SKIL: variants seen among roughly 807,000 people sequenced by gnomAD.
SKIL encodes SKI like proto-oncogene, also known as ski-like protein.
A neutral mutation model predicts 69.6 loss-of-function variants in SKIL; 20 were observed. The observed-to-expected ratio is 0.29, with a 90% confidence interval of 0.20 to 0.42. The LOEUF (loss-of-function observed/expected upper bound fraction) is 0.42, where lower values mean the gene tolerates loss of function less well. Among genes scored for constraint, SKIL ranks in the 10% least tolerant of loss-of-function variants. SKIL has a pLI of 1.00. For missense variants in SKIL, 745 were observed against 783.1 expected (o/e 0.95, Z 0.58); for synonymous variants, 310 against 279.9 (o/e 1.11, Z -1.08).
At position 170,360,417 on chromosome 3, in the gene SKIL, C is replaced by T; in HGVS notation, c.86C>T (p.Ala29Val). The T allele has an allele frequency of 6.2e-7, 1 of 1,612,506 alleles. No homozygotes were observed. Among genetic ancestry groups the T allele is most frequent in the South Asian group, 1.1e-5 (1 of 90,936 alleles). The stretch of plus-strand genomic sequence containing the variant: ...ATGGGAGATGATGGCAGCCCCCCAG[C>T]GAAAAAAATGATAACGGACATTCAT... ...NGMGDDGSPP[A>V]KKMITDIHAN... is the part of the protein sequence containing the mutation. The change falls in exon 2 of 7, where the codon GCG becomes GTG. Residue 29 changes from alanine to valine, a missense_variant. Physicochemically the swap from Ala to Val is moderately conservative, Grantham distance 64. Transcript: ENST00000259119.
chr3:170,358,470 A>C (rs1164458608), intron 1 of SKIL: 4 of 152,608 alleles, frequency 2.6e-5, no homozygotes, highest in African/African-American at 4.8e-5. Context: ...GGTTAGAGAT[A>C]GGTGGGTGGC....
chr3:170,367,266 G>A (rs763442857), intron 2 of SKIL, among the ~76,000 whole-genome samples: 5 of 151,532 alleles, frequency 3.3e-5, no homozygotes, highest in African/African-American at 4.9e-5. Flanking sequence ...CCATCACCAC[G>A]CCTGGCTAAT....
chr3:170,368,532 C>A (rs1736651431), intron 2 of SKIL, among the ~76,000 whole-genome samples: 1 of 152,114 alleles, frequency 6.6e-6, no homozygotes, highest in Non-Finnish European at 1.5e-5. Flanking sequence ...TAATATAATT[C>A]ATCAAACAAG....
chr3:170,364,954 T>C (rs540641595), intron 2 of SKIL, among the ~76,000 whole-genome samples: 1 of 152,362 alleles, frequency 6.6e-6, no homozygotes, highest in East Asian at 1.9e-4. Flanking sequence ...TATTTTGATA[T>C]TGCTTGTAAT....
At position 170,378,881 on chromosome 3, in the gene SKIL, A is replaced by AT. The variant is rs529886666; in HGVS notation, c.1099-2355dup. Among the ~76,000 whole-genome samples the AT allele has an allele frequency of 8.8e-4, 57 of 65,050 alleles. 1 individual carries two copies. Among genetic ancestry groups the AT allele is most frequent in the African/African-American group, 2.8e-3 (55 of 19,796 alleles). 42.7% of individuals were successfully genotyped at this position (65,050 alleles called of 152,430 possible). On this transcript the variant is annotated intron_variant, in intron 2 of 6. Transcript: ENST00000259119. ...TATTTATTTATTTATTTATTTATTT[A>AT]TTTTTTTTATCTTGAGATGGATTCT...
chr3:170,391,558 A>G (rs1737925109), intron 6 of SKIL, among the ~76,000 whole-genome samples: 1 of 152,100 alleles, frequency 6.6e-6, no homozygotes, highest in Non-Finnish European at 1.5e-5. Context: ...TGACCTCATG[A>G]TCTGCCCACC....
chr3:170,391,271 CTGT>C lies in SKIL; in HGVS notation c.1896+13_1896+15del. ...GAATATGCAGGACAGGTAAGAATTA[CTGT>C]TTGTATAATGGTGCCCTTTCAGCAT... On this transcript the variant is annotated intron_variant, in intron 6 of 6. Coordinates refer to ENST00000259119, the MANE Select transcript of SKIL (RefSeq NM_005414.5). 6.9e-7 allele frequency: 1 copy of C among 1,457,888 alleles called. No homozygotes were observed. Among genetic ancestry groups the C allele is most frequent in the Non-Finnish European group, 9.5e-7 (1 of 1,048,040 alleles). The allele number at this position is 1,457,888 out of a possible 1,614,324, so 90.3% of individuals were successfully genotyped here. A position where few individuals can be genotyped will look rare whatever the true frequency, so the allele number is the denominator to read the frequency against.
At chr3:170,367,840 TAGG>T (rs1397166195) in intron 2 of SKIL, among the ~76,000 whole-genome samples, 3 of 152,164 alleles carry the variant, frequency 2.0e-5, no homozygotes, top group African/African-American at 7.2e-5. Flanking sequence ...TTAATCTACT[TAGG>T]GGGGAAAAAT....
At chr3:170,372,611 T>C (rs1178739415) in intron 2 of SKIL, among the ~76,000 whole-genome samples, 1 of 152,230 alleles carries the variant, frequency 6.6e-6, no homozygotes, top group Non-Finnish European at 1.5e-5. Flanking sequence ...GATAGTGTAC[T>C]GAGGGATTCT....
rs1254925473 is a variant in SKIL, at chr3:170,392,595, AAATG to A, written c.*185_*188del. ...TAGTACTTAAATTTTTACATTTTCCAAATGAATGAAAATGTATGTTTCTTTGTAC... is the reference window on the plus strand; with the variant it reads ...TAGTACTTAAATTTTTACATTTTCCAAATGAAAATGTATGTTTCTTTGTAC... On this transcript the variant is annotated 3_prime_UTR_variant, in exon 7 of 7. Coordinates refer to ENST00000259119, the MANE Select transcript of SKIL (RefSeq NM_005414.5). The A allele has an allele frequency of 5.0e-6, 2 of 397,504 alleles. No homozygotes were observed. Among genetic ancestry groups the A allele is most frequent in the African/African-American group, 2.1e-5 (1 of 48,258 alleles). The allele number at this position is 397,504 out of a possible 1,614,324, so 24.6% of individuals were successfully genotyped here. A position where few individuals can be genotyped will look rare whatever the true frequency, so the allele number is the denominator to read the frequency against.
intron 1 of SKIL, among the ~76,000 whole-genome samples, chr3:170,358,237 G>A (rs960324038): frequency 1.3e-5 from 2 of 152,108 alleles, no homozygotes; most frequent in Non-Finnish European, 2.9e-5. Flanking sequence ...GCAGCATTAG[G>A]GGCGCTGAGG....
chr3:170,379,635 T>C (rs1485923815), intron 2 of SKIL, among the ~76,000 whole-genome samples: 1 of 152,110 alleles, frequency 6.6e-6, no homozygotes, highest in Non-Finnish European at 1.5e-5. Flanking sequence ...TTCTCTTCAA[T>C]TTCTTTTTTT....
intron 2 of SKIL, among the ~76,000 whole-genome samples, chr3:170,369,698 A>G (rs936123791): frequency 1.3e-5 from 2 of 151,738 alleles, no homozygotes; most frequent in African/African-American, 4.8e-5. Flanking sequence ...CACCGCACCC[A>G]GCGAATTGGG....
chr3:170,378,688 A>T (rs2108211035), intron 2 of SKIL, among the ~76,000 whole-genome samples: 1 of 150,738 alleles, frequency 6.6e-6, no homozygotes, highest in Non-Finnish European at 1.5e-5. Context: ...AGTAGGTGGG[A>T]TTACAGGCAC....
intron 6 of SKIL, among the ~76,000 whole-genome samples, chr3:170,391,937 C>T (rs1553856285): frequency 6.6e-6 from 1 of 152,152 alleles, no homozygotes; most frequent in Non-Finnish European, 1.5e-5. Context: ...AAGCAATTCT[C>T]TTTTGTTAAT....
intron 4 of SKIL, among the ~76,000 whole-genome samples, chr3:170,386,065 G>A (rs891751335): frequency 2.7e-5 from 4 of 149,304 alleles, no homozygotes; most frequent in Non-Finnish European, 5.9e-5. Flanking sequence ...CAAAGTGCTG[G>A]GATTCCAGGC....
At chr3:170,362,767 A>G (rs780334783) in intron 2 of SKIL, among the ~76,000 whole-genome samples, 4 of 151,258 alleles carry the variant, frequency 2.6e-5, no homozygotes, top group Non-Finnish European at 5.9e-5. Context: ...GTAAGCCGAG[A>G]TCACGCCACC....
At position 170,360,413 on chromosome 3, in the gene SKIL, C is replaced by T. The variant is rs1374902643; in HGVS notation, c.82C>T (p.Pro28Ser). ...LNGMGDDGSP[P>S]AKKMITDIHA... is the part of the protein sequence containing the mutation. ...TGGGATGGGAGATGATGGCAGCCCCCCAGCGAAAAAAATGATAACGGACAT... is the reference window on the plus strand; with the variant it reads ...TGGGATGGGAGATGATGGCAGCCCCTCAGCGAAAAAAATGATAACGGACAT... Residue 28 changes from proline (P) to serine (S), a missense_variant, in exon 2 of 7, where the codon CCA (proline) becomes TCA (serine). Transcript: ENST00000259119. The T allele has an allele frequency of 6.2e-7, 1 of 1,612,488 alleles. No individual in the cohort carries two copies. Among genetic ancestry groups the T allele is most frequent in the Admixed American group, 1.7e-5 (1 of 59,854 alleles).
chr3:170,392,316 G>A lies in SKIL; in HGVS notation c.1954G>A (p.Asp652Asn), dbSNP rs1258704909. ...TGAGGCCGATAGGCAAGAACTCCAA[G>A]ATGAACTCAGACAGGAACGGGAAGC... ...HAEADRQELQ[D>N]ELRQEREARQ... The change falls in exon 7 of 7, where the codon GAT becomes AAT. Residue 652 changes from aspartate to asparagine, a missense_variant. Coordinates refer to ENST00000259119, the MANE Select transcript of SKIL (RefSeq NM_005414.5). The A allele has an allele frequency of 2.5e-6, 4 of 1,613,564 alleles. No homozygotes were observed. The highest frequency in any genetic ancestry group is 3.3e-5 in the Admixed American group (2 of 60,002).
Sources: allele counts gnomAD v4.1 joint callset (sites outside exome capture counted in the v4.1 genomes callset), GRCh38; gene constraint gnomAD v4.1.1; transcripts MANE v1.5; gene names NCBI Gene and HGNC (gene_info 2026-07-23, HGNC 2026-07-21).